Variants in FAT3 observed in about 807,000 individuals in gnomAD.
FAT3 encodes protocadherin Fat 3.
A neutral mutation model predicts 310.2 loss-of-function variants in FAT3; 95 were observed. The observed-to-expected ratio is 0.31, with a 90% CI of 0.26 to 0.36. FAT3 has a LOEUF of 0.36. Ranked by LOEUF, FAT3 falls within the 10% of genes least tolerant of loss-of-function variation. FAT3 has a pLI of 1.00. For missense variants in FAT3, 5,408 were observed against 5,715.6 expected, an observed-to-expected ratio of 0.95 and a Z score of 1.74; for synonymous variants, 2,314 against 2,192.9, an observed-to-expected ratio of 1.06 and a Z score of -1.54.
At chr11:92,749,326 A>C (rs1421561215) in intron 4 of FAT3, among the ~76,000 whole-genome samples, 1 of 152,112 alleles carries the variant, frequency 6.6e-6, no homozygotes, top group African/African-American at 2.4e-5. Flanking sequence ...ACACACATAC[A>C]CACACACATA....
chr11:92,450,526 T>C (rs887251735), intron 2 of FAT3, among the ~76,000 whole-genome samples: 14 of 152,282 alleles, frequency 9.2e-5, no homozygotes, highest in African/African-American at 3.1e-4. Flanking sequence ...TACAAGGCCT[T>C]GGTTCCAACA....
At chr11:92,805,486 G>A (rs1328578326) in intron 11 of FAT3, 137 bp downstream of exon 11, 23 of 817,736 alleles carry the variant, frequency 2.8e-5, no homozygotes, top group Non-Finnish European at 4.1e-5. Flanking sequence ...AGGGTAGGAG[G>A]TGAAGTTTAG....
intron 2 of FAT3, among the ~76,000 whole-genome samples, chr11:92,399,080 A>G (rs1341191011): frequency 1.3e-5 from 2 of 152,236 alleles, no homozygotes; most frequent in African/African-American, 4.8e-5. Flanking sequence ...CAGGACCTTG[A>G]GTTGTTTGTT....
At position 92,800,209 on chromosome 11, in the gene FAT3, A is replaced by G; in HGVS notation, c.7196A>G (p.Tyr2399Cys). ...DNPPVFNQLI[Y>C]ESYVSELAPR... ...CCTCCAGTTTTTAATCAGCTCATTT[A>G]TGAGTCATATGTGAGTGAATTAGCC... Residue 2399 changes from tyrosine (Y) to cysteine (C), a missense_variant, in exon 10 of 28, where the codon TAT becomes TGT. Tyr to Cys is a radical substitution (Grantham distance 194). Transcript: ENST00000525166. 1 of 1,614,004 alleles carries G rather than the reference A, an allele frequency of 6.2e-7. No individual in the cohort carries two copies. Among genetic ancestry groups the G allele is most frequent in the Non-Finnish European group, 8.5e-7 (1 of 1,179,876 alleles).
chr11:92,237,066 T>C (rs1187170), intron 1 of FAT3, among the ~76,000 whole-genome samples: 84,576 of 151,908 alleles, frequency 0.56, 24,078 homozygotes, highest in East Asian at 0.8. Flanking sequence ...TAAGGTAAGG[T>C]TGGCACAATT....
At chr11:92,374,412 G>T (rs1283739020) in intron 2 of FAT3, among the ~76,000 whole-genome samples, 1 of 152,166 alleles carries the variant, frequency 6.6e-6, no homozygotes, top group East Asian at 1.9e-4. Context: ...GTGGTGGTGG[G>T]TTCCAAGAAG....
intron 21 of FAT3, among the ~76,000 whole-genome samples, chr11:92,863,062 C>A (rs1353165858): frequency 2.0e-5 from 3 of 152,134 alleles, no homozygotes; most frequent in Non-Finnish European, 4.4e-5. Context: ...TTAATGTATA[C>A]CAAATGGCTA....
At chr11:92,301,634 T>G (rs1947000639) in intron 1 of FAT3, among the ~76,000 whole-genome samples, 1 of 152,168 alleles carries the variant, frequency 6.6e-6, no homozygotes, top group Admixed American at 6.5e-5. Context: ...TTATACCCAT[T>G]AGTCTCAACT....
At chr11:92,804,391 C>G (rs1367484816) in intron 10 of FAT3, among the ~76,000 whole-genome samples, 1 of 152,082 alleles carries the variant, frequency 6.6e-6, no homozygotes, top group Non-Finnish European at 1.5e-5. Context: ...CCTTCCTCCT[C>G]CTATCTTGTT....
intron 3 of FAT3, among the ~76,000 whole-genome samples, chr11:92,667,178 A>C (rs1942981208): frequency 6.6e-6 from 1 of 152,228 alleles, no homozygotes; most frequent in African/African-American, 2.4e-5. Context: ...ACTTGGTATT[A>C]GATCTGATTT....
intron 1 of FAT3, among the ~76,000 whole-genome samples, chr11:92,227,923 A>AT (rs5793585): frequency 0.48 from 70,989 of 149,032 alleles, 17,438 homozygotes; most frequent in Non-Finnish European, 0.56. Flanking sequence ...AGTTTTTTTT[A>AT]TTTTTTTTTT....
intron 3 of FAT3, among the ~76,000 whole-genome samples, chr11:92,580,935 A>G (rs1938760013): frequency 6.6e-6 from 1 of 151,362 alleles, no homozygotes; most frequent in Non-Finnish European, 1.5e-5. Flanking sequence ...TTTTCCAACC[A>G]TTGGTTTCAT....
intron 3 of FAT3, among the ~76,000 whole-genome samples, chr11:92,598,230 A>ATTT (rs397770261): frequency 2.1e-3 from 285 of 134,426 alleles, no homozygotes; most frequent in African/African-American, 7.6e-3. Flanking sequence ...ATATATATAT[A>ATTT]TTTTTTTTTT....
At chr11:92,358,385 A>C (rs1456986648) in intron 2 of FAT3, among the ~76,000 whole-genome samples, 1 of 152,076 alleles carries the variant, frequency 6.6e-6, no homozygotes, top group Admixed American at 6.6e-5. Context: ...CCTCAATCCT[A>C]ATCCATTGCC....
At chr11:92,789,331 T>C (rs752824579) in intron 7 of FAT3, among the ~76,000 whole-genome samples, 2 of 152,174 alleles carry the variant, frequency 1.3e-5, no homozygotes, top group Non-Finnish European at 2.9e-5. Flanking sequence ...ATTTTATATT[T>C]GTCTGAAAAT....
At chr11:92,744,429 T>A (rs1945595109) in intron 4 of FAT3, among the ~76,000 whole-genome samples, 1 of 152,168 alleles carries the variant, frequency 6.6e-6, no homozygotes, top group South Asian at 2.1e-4. Context: ...CCATCAAACA[T>A]AATAAATGGG....
At chr11:92,610,366 A>G (rs1940504573) in intron 3 of FAT3, among the ~76,000 whole-genome samples, 1 of 152,180 alleles carries the variant, frequency 6.6e-6, no homozygotes, top group Admixed American at 6.6e-5. Flanking sequence ...CAGGCCTTCA[A>G]ACAGGTTTGT....
chr11:92,226,969 C>G (rs1863939875), intron 1 of FAT3, among the ~76,000 whole-genome samples: 1 of 152,150 alleles, frequency 6.6e-6, no homozygotes, highest in Non-Finnish European at 1.5e-5. Flanking sequence ...CTTCCATTTA[C>G]AAGTGTCAGA....
At chr11:92,715,433 TA>T (rs888664851) in intron 4 of FAT3, among the ~76,000 whole-genome samples, 2 of 151,346 alleles carry the variant, frequency 1.3e-5, no homozygotes, top group Admixed American at 6.6e-5. Flanking sequence ...TAAATAAAAA[TA>T]AAAAATTAAT....
Sources: allele counts gnomAD v4.1 joint callset (sites outside exome capture counted in the v4.1 genomes callset), GRCh38; gene constraint gnomAD v4.1.1; transcripts MANE v1.5; gene names NCBI Gene and HGNC (gene_info 2026-07-23, HGNC 2026-07-21).